ITGBL1: variants seen among roughly 807,000 people sequenced by gnomAD.
ITGBL1 encodes integrin beta-like protein 1.
Under a neutral mutation model 68.5 loss-of-function variants are expected in ITGBL1, and 51 were observed. That is an observed-to-expected ratio of 0.74 (90% confidence interval 0.59 to 0.94). ITGBL1 has a LOEUF of 0.94. Ranked by LOEUF, ITGBL1 falls within the 40% of genes least tolerant of loss-of-function variation. ITGBL1 has a pLI of 0.00. For missense variants in ITGBL1, 649 were observed against 647.4 expected, an observed-to-expected ratio of 1.00 and a Z score of -0.03; for synonymous variants, 209 against 227.3, an observed-to-expected ratio of 0.92 and a Z score of 0.72.
chr13:101,605,232 A>G (rs2030701184), intron 7 of ITGBL1, among the ~76,000 whole-genome samples: 1 of 144,622 alleles, frequency 6.9e-6, no homozygotes. Context: ...AGACATAGGC[A>G]TGTGTGTATA....
intron 7 of ITGBL1, among the ~76,000 whole-genome samples, chr13:101,657,348 T>G (rs1224102247): frequency 6.6e-6 from 1 of 152,218 alleles, no homozygotes; most frequent in South Asian, 2.1e-4. Flanking sequence ...CTGAAACATA[T>G]TCCCTCTTTA....
chr13:101,531,292 C>T (rs1419474519), intron 2 of ITGBL1, among the ~76,000 whole-genome samples: 1 of 152,132 alleles, frequency 6.6e-6, no homozygotes, highest in Non-Finnish European at 1.5e-5. Flanking sequence ...TCTGATATTT[C>T]TGCTGCTGCT....
chr13:101,527,233 C>T (rs1166099546), intron 2 of ITGBL1, among the ~76,000 whole-genome samples: 5 of 152,100 alleles, frequency 3.3e-5, no homozygotes, highest in Non-Finnish European at 5.9e-5. Flanking sequence ...AAAATATTTC[C>T]TCATGTCCCT....
At chr13:101,606,558 A>T (rs917185817) in intron 7 of ITGBL1, among the ~76,000 whole-genome samples, 2 of 151,346 alleles carry the variant, frequency 1.3e-5, no homozygotes, top group African/African-American at 4.9e-5. Flanking sequence ...TAAAGAATAC[A>T]TCATTATTAT....
intron 6 of ITGBL1, among the ~76,000 whole-genome samples, chr13:101,589,233 A>G (rs2050610305): frequency 6.6e-6 from 1 of 152,228 alleles, no homozygotes; most frequent in Admixed American, 6.5e-5. Flanking sequence ...ATGGTAGGCT[A>G]GAATTATAGA....
chr13:101,534,657 G>C (rs2049540671), intron 2 of ITGBL1, among the ~76,000 whole-genome samples: 1 of 152,120 alleles, frequency 6.6e-6, no homozygotes. Flanking sequence ...AAGGCAGCCT[G>C]TTAGCACTGA....
rs985551204 is a variant in ITGBL1, at chr13:101,715,807, A to C, written c.*153A>C. The C allele has an allele frequency of 1.9e-6, 1 of 515,320 alleles. No individual in the cohort carries two copies. The highest frequency in any genetic ancestry group is 3.0e-5 in the East Asian group (1 of 33,068). The allele number at this position is 515,320 out of a possible 1,614,324, so 31.9% of individuals were successfully genotyped here. On this transcript the variant is annotated 3_prime_UTR_variant, in exon 11 of 11. Coordinates refer to ENST00000376180, the MANE Select transcript of ITGBL1 (RefSeq NM_004791.3). The stretch of plus-strand genomic sequence containing the variant: ...AATTACGAATGAAATCCGAGTACCT[A>C]TTAGAAATGAGTTATGCAAATTTAG...
chr13:101,705,307 A>C lies in ITGBL1; in HGVS notation c.1133-1449A>C, dbSNP rs112395725. Among the ~76,000 whole-genome samples the C allele has an allele frequency of 2.0e-3, 297 of 144,950 alleles. 5 individuals are homozygous for C. In the South Asian group the frequency reaches 0.023, roughly 11 times the overall value. On this transcript the variant is annotated intron_variant, in intron 8 of 10. Coordinates refer to ENST00000376180, the MANE Select transcript of ITGBL1 (RefSeq NM_004791.3). ...ATTTAAAAAGCAAAAAAAAAAAAAA[A>C]AACAACAACAACAAAAAAAAATAGT...
chr13:101,688,024 C>A (rs1318371471), intron 7 of ITGBL1, among the ~76,000 whole-genome samples: 1 of 151,798 alleles, frequency 6.6e-6, no homozygotes, highest in Admixed American at 6.6e-5. Context: ...GTTGTATCTC[C>A]ATAACAGTAA....
At chr13:101,501,921 G>A (rs1256005393) in intron 2 of ITGBL1, among the ~76,000 whole-genome samples, 1 of 152,142 alleles carries the variant, frequency 6.6e-6, no homozygotes, top group African/African-American at 2.4e-5. Flanking sequence ...CAAAGATGGA[G>A]AAATTGGGGA....
chr13:101,605,752 GTA>G (rs1310488341), intron 7 of ITGBL1, among the ~76,000 whole-genome samples: 9 of 148,092 alleles, frequency 6.1e-5, no homozygotes, highest in East Asian at 2.0e-4. Context: ...ATGTATGTGC[GTA>G]TATGTGTGTA....
chr13:101,654,381 A>G (rs2032855963), intron 7 of ITGBL1, among the ~76,000 whole-genome samples: 1 of 152,214 alleles, frequency 6.6e-6, no homozygotes, highest in African/African-American at 2.4e-5. Flanking sequence ...AGGTGGGGAC[A>G]AAGGCCAACT....
At chr13:101,492,270 G>A (rs1329357650) in intron 2 of ITGBL1, among the ~76,000 whole-genome samples, 3 of 152,146 alleles carry the variant, frequency 2.0e-5, no homozygotes, top group Non-Finnish European at 2.9e-5. Context: ...TGAAATAAAT[G>A]CAGTTCCTTC....
At chr13:101,459,816 C>T (rs938210155) in intron 2 of ITGBL1, among the ~76,000 whole-genome samples, 64 of 152,078 alleles carry the variant, frequency 4.2e-4, no homozygotes, top group African/African-American at 1.5e-3. Flanking sequence ...CAAATATTAA[C>T]AATATAACAA....
At chr13:101,664,409 G>A (rs868544117) in intron 7 of ITGBL1, among the ~76,000 whole-genome samples, 55 of 152,176 alleles carry the variant, frequency 3.6e-4, no homozygotes, top group African/African-American at 1.3e-3. Flanking sequence ...TATCCTGAGA[G>A]ATCTCTATTA....
chr13:101,598,639 T>C (rs1354618651), intron 7 of ITGBL1, among the ~76,000 whole-genome samples: 1 of 152,030 alleles, frequency 6.6e-6, no homozygotes, highest in Non-Finnish European at 1.5e-5. Flanking sequence ...CCTGTGACCA[T>C]GTGTTCTCAT....
At chr13:101,456,122 G>A (rs1450233809) in intron 2 of ITGBL1, among the ~76,000 whole-genome samples, 1 of 152,130 alleles carries the variant, frequency 6.6e-6, no homozygotes, top group Non-Finnish European at 1.5e-5. Context: ...TTCTTGATAC[G>A]AAATGCAGGA....
At chr13:101,513,695 AATT>A in intron 2 of ITGBL1, among the ~76,000 whole-genome samples, 1 of 152,204 alleles carries the variant, frequency 6.6e-6, no homozygotes, top group East Asian at 1.9e-4. Flanking sequence ...AATGGTCAGT[AATT>A]ATTATACTTC....
intron 7 of ITGBL1, among the ~76,000 whole-genome samples, chr13:101,621,776 C>A (rs1400342641): frequency 6.6e-6 from 1 of 151,906 alleles, no homozygotes; most frequent in Non-Finnish European, 1.5e-5. Flanking sequence ...TTATCTTAGT[C>A]AAAAGGGAAT....
Sources: allele counts gnomAD v4.1 joint callset (sites outside exome capture counted in the v4.1 genomes callset), GRCh38; gene constraint gnomAD v4.1.1; transcripts MANE v1.5; gene names NCBI Gene and HGNC (gene_info 2026-07-23, HGNC 2026-07-21).